Variants in ASTN2 observed in about 807,000 individuals in gnomAD.
ASTN2 encodes astrotactin-2.
Under a neutral mutation model 139.8 loss-of-function variants are expected in ASTN2, and 54 were observed. That is an observed-to-expected ratio of 0.39 (90% CI 0.31 to 0.48). ASTN2 has a LOEUF of 0.48. Among genes scored for constraint, ASTN2 ranks in the 20% least tolerant of loss-of-function variants. The pLI is 0.95. For synonymous variants in ASTN2, 756 were observed against 719.5 expected (o/e 1.05, Z -0.81); for missense variants, 1,565 against 1,725.1 (o/e 0.91, Z 1.64).
At chr9:116,543,047 T>A (rs10124920) in intron 19 of ASTN2, among the ~76,000 whole-genome samples, 2,059 of 152,166 alleles carry the variant, frequency 0.014, 19 homozygotes, top group African/African-American at 0.032. Context: ...GAACTCTCTT[T>A]TAAATTGATT....
At chr9:116,469,806 T>C (rs1033052222) in intron 20 of ASTN2, among the ~76,000 whole-genome samples, 5 of 152,208 alleles carry the variant, frequency 3.3e-5, no homozygotes, top group Non-Finnish European at 5.9e-5. Flanking sequence ...GGAACGTTAA[T>C]ACACACATAA....
chr9:116,532,927 AC>A lies in ASTN2; in HGVS notation c.3356-45428del, dbSNP rs1162818232. Among the ~76,000 whole-genome samples, 36 of 152,322 alleles carry A rather than the reference AC, an allele frequency of 2.4e-4. 2 individuals are homozygous for A. The highest frequency in any genetic ancestry group is 8.2e-4 in the African/African-American group (34 of 41,570). ...TCATTGGTAGCTTGCTGGGGATGGCACTGAATCTATAAATTACCTTGGGCAG... is the reference window on the plus strand; with the variant it reads ...TCATTGGTAGCTTGCTGGGGATGGCATGAATCTATAAATTACCTTGGGCAG... On this transcript the variant is annotated intron_variant, in intron 19 of 22. Transcript: ENST00000313400.
intron 19 of ASTN2, among the ~76,000 whole-genome samples, chr9:116,601,886 T>C (rs1223852190): frequency 1.3e-5 from 2 of 152,178 alleles, no homozygotes; most frequent in African/African-American, 4.8e-5. Flanking sequence ...TTGATTGTTA[T>C]GATTGGACTA....
intron 10 of ASTN2, among the ~76,000 whole-genome samples, chr9:116,911,433 C>T (rs1351732419): frequency 6.6e-6 from 1 of 152,032 alleles, no homozygotes; most frequent in African/African-American, 2.4e-5. Flanking sequence ...ACTAAGAAGA[C>T]ATAATAAGTA....
chr9:117,240,606 G>A (rs887856973), intron 2 of ASTN2, among the ~76,000 whole-genome samples: 2 of 152,082 alleles, frequency 1.3e-5, no homozygotes, highest in East Asian at 3.9e-4. Context: ...TTAAGTGCGG[G>A]TACTATAAAT....
rs562625645 is a variant in ASTN2 at position 116,688,846 on chromosome 9, C to T, written c.2806+36925G>A. On this transcript the variant is annotated intron_variant, in intron 16 of 22. Transcript: ENST00000313400. ...GCTCTGTGAGTGAGGTGTTTGGGCT[C>T]GGAGACAGACAAAACAACAACAACA... Among the ~76,000 whole-genome samples the T allele has an allele frequency of 7.9e-5, 12 of 151,086 alleles. No homozygotes were observed. The South Asian group carries it at 2.1e-3, about 26-fold the overall frequency.
At chr9:117,094,053 C>T (rs573170425) in intron 5 of ASTN2, among the ~76,000 whole-genome samples, 1 of 145,586 alleles carries the variant, frequency 6.9e-6, no homozygotes, top group South Asian at 2.2e-4. Context: ...GAGTGGCAGG[C>T]ATGTAGTTGG....
chr9:117,209,463 T>A (rs1832048234), intron 3 of ASTN2, among the ~76,000 whole-genome samples: 1 of 152,064 alleles, frequency 6.6e-6, no homozygotes, highest in Admixed American at 6.6e-5. Context: ...CAATGAAGGA[T>A]ATTATATGAT....
At chr9:116,839,388 C>T (rs549166537) in intron 11 of ASTN2, among the ~76,000 whole-genome samples, 115 of 152,156 alleles carry the variant, frequency 7.6e-4, no homozygotes, top group African/African-American at 2.7e-3. Flanking sequence ...AAAATTTACT[C>T]ATTTAAGTAT....
intron 19 of ASTN2, among the ~76,000 whole-genome samples, chr9:116,608,227 A>G (rs1295295783): frequency 6.6e-6 from 1 of 152,200 alleles, no homozygotes; most frequent in Non-Finnish European, 1.5e-5. Flanking sequence ...GCATAGAGGA[A>G]AAATTGAAGC....
intron 13 of ASTN2, among the ~76,000 whole-genome samples, chr9:116,799,697 G>C (rs1445928723): frequency 8.3e-6 from 1 of 119,996 alleles, no homozygotes. Context: ...ATGAATGTGG[G>C]TAAGAGAGTG....
At chr9:116,642,144 A>AAAAG (rs1410141309) in intron 17 of ASTN2, among the ~76,000 whole-genome samples, 1 of 147,156 alleles carries the variant, frequency 6.8e-6, no homozygotes, top group African/African-American at 2.6e-5. Context: ...AAAAAAAAAA[A>AAAAG]ACAAAAAAAA....
chr9:116,791,192 A>C (rs1024664792), intron 13 of ASTN2, among the ~76,000 whole-genome samples: 1 of 152,178 alleles, frequency 6.6e-6, no homozygotes, highest in African/African-American at 2.4e-5. Flanking sequence ...TATATAACAG[A>C]TGTTCAATAA....
chr9:117,061,139 TTTTATTTATTTATTTATTTA>T (rs71379255), intron 5 of ASTN2, among the ~76,000 whole-genome samples: 6,082 of 141,960 alleles, frequency 0.043, 392 homozygotes, highest in African/African-American at 0.14. Context: ...TACACCAGTC[TTTTATTTATTTATTTATTTA>T]TTTATTTATT....
At chr9:117,331,014 G>T (rs941955440) in intron 1 of ASTN2, among the ~76,000 whole-genome samples, 10 of 152,172 alleles carry the variant, frequency 6.6e-5, no homozygotes, top group African/African-American at 2.4e-4. Context: ...GCAGTGTCCT[G>T]CAGCATGCAA....
At chr9:116,788,261 G>T (rs1830431886) in intron 13 of ASTN2, among the ~76,000 whole-genome samples, 1 of 152,236 alleles carries the variant, frequency 6.6e-6, no homozygotes, top group Non-Finnish European at 1.5e-5. Flanking sequence ...TTAGTCCATT[G>T]CTCAGTGTGG....
At chr9:116,560,635 T>C (rs1160590531) in intron 19 of ASTN2, among the ~76,000 whole-genome samples, 3 of 152,216 alleles carry the variant, frequency 2.0e-5, no homozygotes, top group African/African-American at 7.2e-5. Flanking sequence ...AGTTTTATAA[T>C]TCAATTGATG....
At chr9:117,105,176 C>T (rs997379668) in intron 4 of ASTN2, among the ~76,000 whole-genome samples, 2 of 152,118 alleles carry the variant, frequency 1.3e-5, no homozygotes, top group African/African-American at 4.8e-5. Flanking sequence ...CTAGGCTGGC[C>T]TTAGGAACGT....
chr9:117,202,164 C>T (rs541970021), intron 3 of ASTN2, among the ~76,000 whole-genome samples: 14 of 152,142 alleles, frequency 9.2e-5, no homozygotes, highest in Admixed American at 4.6e-4. Context: ...ATTGCAATCC[C>T]TGCCTTTTTT....
Sources: gnomAD v4.1 joint callset for allele counts (sites outside exome capture counted in the v4.1 genomes callset) on GRCh38, gnomAD v4.1.1 for gene constraint, MANE v1.5 for transcripts, NCBI Gene and HGNC (gene_info 2026-07-23, HGNC 2026-07-21) for gene names.